Variants in LRRC4C observed in about 807,000 individuals in gnomAD.
The protein encoded by LRRC4C is leucine-rich repeat-containing protein 4C.
A neutral mutation model predicts 33.6 loss-of-function variants in LRRC4C; 5 were observed. The observed-to-expected ratio is 0.15, with a 90% CI of 0.08 to 0.31. LRRC4C has a LOEUF of 0.31. LRRC4C is among the 10% of genes least tolerant of loss of function. LRRC4C has a pLI of 1.00. For synonymous variants in LRRC4C, 329 were observed against 302.0 expected, an observed-to-expected ratio of 1.09 and a Z score of -0.93; for missense variants, 560 against 796.7, an observed-to-expected ratio of 0.70 and a Z score of 3.58.
intron 1 of LRRC4C, among the ~76,000 whole-genome samples, chr11:41,340,939 A>G (rs1040533990): frequency 2.6e-5 from 4 of 152,240 alleles, no homozygotes; most frequent in Admixed American, 2.6e-4. Flanking sequence ...AAGGCAATCT[A>G]GTAACTTTGA....
At chr11:40,138,443 A>G (rs1857136554) in intron 6 of LRRC4C, among the ~76,000 whole-genome samples, 1 of 152,192 alleles carries the variant, frequency 6.6e-6, no homozygotes, top group Non-Finnish European at 1.5e-5. Context: ...GAAGACTAAC[A>G]CTACTACTAT....
chr11:40,416,288 A>T (rs2137689456), intron 3 of LRRC4C, among the ~76,000 whole-genome samples: 1 of 152,310 alleles, frequency 6.6e-6, no homozygotes, highest in Non-Finnish European at 1.5e-5. Context: ...GGAAGTTAGA[A>T]CGTCTTGCCA....
intron 2 of LRRC4C, among the ~76,000 whole-genome samples, chr11:40,804,327 G>A (rs1194999678): frequency 6.6e-6 from 1 of 152,150 alleles, no homozygotes; most frequent in Admixed American, 6.5e-5. Flanking sequence ...ACTAGAATAA[G>A]AAATACATCC....
chr11:40,363,997 T>C (rs1450961171), intron 3 of LRRC4C, among the ~76,000 whole-genome samples: 1 of 152,214 alleles, frequency 6.6e-6, no homozygotes, highest in African/African-American at 2.4e-5. Context: ...GTCTTTTTCT[T>C]AGGTTTACAA....
chr11:41,091,393 C>T (rs1940406756), intron 1 of LRRC4C, among the ~76,000 whole-genome samples: 1 of 151,966 alleles, frequency 6.6e-6, no homozygotes, highest in South Asian at 2.1e-4. Flanking sequence ...AAACAAATTG[C>T]TTATGGCTAA....
At chr11:40,786,779 CG>C (rs1224514081) in intron 2 of LRRC4C, among the ~76,000 whole-genome samples, 3 of 152,116 alleles carry the variant, frequency 2.0e-5, no homozygotes, top group Admixed American at 1.3e-4. Flanking sequence ...AATAGACACA[CG>C]AGCCAACAGC....
intron 2 of LRRC4C, among the ~76,000 whole-genome samples, chr11:40,909,293 T>C (rs558064999): frequency 2.0e-5 from 3 of 152,264 alleles, no homozygotes; most frequent in Admixed American, 6.5e-5. Context: ...AGTTGATAAA[T>C]TGTGGCTTGC....
intron 2 of LRRC4C, among the ~76,000 whole-genome samples, chr11:40,650,288 T>A (rs1942712693): frequency 6.6e-6 from 1 of 152,138 alleles, no homozygotes; most frequent in South Asian, 2.1e-4. Context: ...AGTGATACTT[T>A]AAAAAACAGG....
intron 3 of LRRC4C, among the ~76,000 whole-genome samples, chr11:40,401,729 GA>G (rs1200048152): frequency 1.3e-5 from 2 of 152,068 alleles, no homozygotes; most frequent in Admixed American, 1.3e-4. Context: ...GCAGGAAGGG[GA>G]AAAATAATAA....
At chr11:40,702,567 T>C (rs1190462591) in intron 2 of LRRC4C, among the ~76,000 whole-genome samples, 1 of 152,162 alleles carries the variant, frequency 6.6e-6, no homozygotes, top group Non-Finnish European at 1.5e-5. Flanking sequence ...ACAACATTGA[T>C]GAGAGGTCAC....
At chr11:40,183,019 T>G (rs1861129307) in intron 5 of LRRC4C, among the ~76,000 whole-genome samples, 1 of 152,170 alleles carries the variant, frequency 6.6e-6, no homozygotes, top group African/African-American at 2.4e-5. Context: ...ATCCAGCTGG[T>G]TTGGCTTCAT....
chr11:40,544,514 G>T lies in LRRC4C; in HGVS notation c.-270+103628C>A, dbSNP rs1000379497. Among the ~76,000 whole-genome samples, 3 of 152,152 alleles carry T rather than the reference G, an allele frequency of 2.0e-5. No homozygotes were observed. In the East Asian group the frequency reaches 5.8e-4, roughly 29 times the overall value. Reference sequence around the variant, plus strand: ...AAAAGCAGTAGCCCCTTACATATATGTAAATTCAGGCAAAATATGGATTAT... The same window carrying T: ...AAAAGCAGTAGCCCCTTACATATATTTAAATTCAGGCAAAATATGGATTAT... On this transcript the variant is annotated intron_variant, in intron 3 of 6. Coordinates refer to ENST00000528697, the MANE Select transcript of LRRC4C (RefSeq NM_001258419.2).
At chr11:40,628,494 A>G (rs1384802912) in intron 3 of LRRC4C, among the ~76,000 whole-genome samples, 1 of 151,888 alleles carries the variant, frequency 6.6e-6, no homozygotes, top group Non-Finnish European at 1.5e-5. Context: ...ACAAAACAAA[A>G]CAAAACAAAA....
chr11:41,082,209 T>C (rs7107786), intron 1 of LRRC4C, among the ~76,000 whole-genome samples: 40,945 of 152,026 alleles, frequency 0.27, 5,664 homozygotes, highest in Admixed American at 0.35. Flanking sequence ...TGAAGTGGAA[T>C]CAGCTTCTAT....
intron 5 of LRRC4C, among the ~76,000 whole-genome samples, chr11:40,171,706 C>T (rs1471224965): frequency 6.6e-6 from 1 of 151,902 alleles, no homozygotes; most frequent in Admixed American, 6.6e-5. Flanking sequence ...TTAATCCGAC[C>T]CCCCCAACCG....
At chr11:41,101,753 TC>T (rs1941199946) in intron 1 of LRRC4C, among the ~76,000 whole-genome samples, 3 of 152,172 alleles carry the variant, frequency 2.0e-5, no homozygotes, top group Admixed American at 2.0e-4. Context: ...AACCTAAATG[TC>T]CATTAGTGGT....
At chr11:40,548,446 A>T (rs1000586098) in intron 3 of LRRC4C, among the ~76,000 whole-genome samples, 1 of 152,124 alleles carries the variant, frequency 6.6e-6, no homozygotes, top group Non-Finnish European at 1.5e-5. Context: ...GGCTATCAGT[A>T]AGCCAAGCAA....
chr11:40,795,580 A>C (rs1950791770), intron 2 of LRRC4C, among the ~76,000 whole-genome samples: 1 of 152,120 alleles, frequency 6.6e-6, no homozygotes, highest in African/African-American at 2.4e-5. Flanking sequence ...GAAAAAATAG[A>C]AACGGTAATT....
chr11:40,736,207 C>T (rs956061216), intron 2 of LRRC4C, among the ~76,000 whole-genome samples: 3 of 152,008 alleles, frequency 2.0e-5, no homozygotes, highest in Admixed American at 2.0e-4. Context: ...TGTTCCCCTC[C>T]CTGTGTCCAT....
Sources: allele counts gnomAD v4.1 joint callset (sites outside exome capture counted in the v4.1 genomes callset), GRCh38; gene constraint gnomAD v4.1.1; transcripts MANE v1.5; gene names NCBI Gene and HGNC (gene_info 2026-07-23, HGNC 2026-07-21).